LUZP2: variants seen among roughly 807,000 people sequenced by gnomAD.
LUZP2 encodes leucine zipper protein 2.
A neutral mutation model predicts 51.6 loss-of-function variants in LUZP2; 52 were observed. The observed-to-expected ratio is 1.01, with a 90% confidence interval of 0.81 to 1.27. LUZP2 has a LOEUF of 1.27. Among genes scored for constraint, LUZP2 ranks in the 50% most tolerant of loss-of-function variants. LUZP2 has a pLI of 0.00. For missense variants in LUZP2, 436 were observed against 395.4 expected, an observed-to-expected ratio of 1.10 and a Z score of -0.87; for synonymous variants, 154 against 137.3, an observed-to-expected ratio of 1.12 and a Z score of -0.85.
intron 7 of LUZP2, among the ~76,000 whole-genome samples, chr11:24,926,100 TG>T (rs1282214070): frequency 6.6e-6 from 1 of 151,474 alleles, no homozygotes; most frequent in Non-Finnish European, 1.5e-5. Context: ...GAGTATCCCA[TG>T]GTGTGTGTTT....
At chr11:24,777,713 A>G (rs1337144394) in intron 5 of LUZP2, among the ~76,000 whole-genome samples, 1 of 152,038 alleles carries the variant, frequency 6.6e-6, no homozygotes, top group Admixed American at 6.6e-5. Context: ...TGGACACTTC[A>G]TTTTATTTTC....
At chr11:24,639,653 G>A (rs1396410590) in intron 1 of LUZP2, among the ~76,000 whole-genome samples, 2 of 151,696 alleles carry the variant, frequency 1.3e-5, no homozygotes, top group Non-Finnish European at 2.9e-5. Flanking sequence ...GTTTCACCAC[G>A]TTGGTCAGGC....
At chr11:24,699,031 T>G (rs763541533) in intron 1 of LUZP2, among the ~76,000 whole-genome samples, 1 of 151,386 alleles carries the variant, frequency 6.6e-6, no homozygotes, top group Non-Finnish European at 1.5e-5. Flanking sequence ...CACTCTATCC[T>G]GGGTGGCAGA....
chr11:24,970,121 A>G lies in LUZP2; in HGVS notation c.523-6470A>G, dbSNP rs532926235. Among the ~76,000 whole-genome samples, 369 of 152,240 alleles carry G rather than the reference A, an allele frequency of 2.4e-3. 2 individuals carry two copies. Among genetic ancestry groups the G allele is most frequent in the Middle Eastern group, 6.8e-3 (2 of 294 alleles). On this transcript the variant is annotated intron_variant, in intron 7 of 11. Coordinates refer to ENST00000336930, the MANE Select transcript of LUZP2 (RefSeq NM_001009909.4). ...CTTCTGTGTCTCTGGTAGGTTTACT[A>G]TCTTTGATAATGAGAATTTTGGAGC...
intron 1 of LUZP2, among the ~76,000 whole-genome samples, chr11:24,498,350 G>C (rs1168423503): frequency 1.3e-5 from 2 of 152,166 alleles, no homozygotes; most frequent in East Asian, 3.9e-4. Context: ...AAATGGAAAA[G>C]GATGAAGAAA....
At chr11:24,864,606 T>G (rs1369358803) in intron 5 of LUZP2, among the ~76,000 whole-genome samples, 1 of 152,178 alleles carries the variant, frequency 6.6e-6, no homozygotes, top group African/African-American at 2.4e-5. Context: ...TGGCAAGTTG[T>G]TTGGTCAGAT....
At chr11:24,745,455 A>G (rs528348287) in intron 4 of LUZP2, among the ~76,000 whole-genome samples, 35 of 152,272 alleles carry the variant, frequency 2.3e-4, no homozygotes, top group Non-Finnish European at 4.7e-4. Context: ...TTACCATTAT[A>G]TAATGTCCCA....
At chr11:24,937,686 G>A (rs1349086607) in intron 7 of LUZP2, among the ~76,000 whole-genome samples, 3 of 152,014 alleles carry the variant, frequency 2.0e-5, no homozygotes, top group African/African-American at 7.2e-5. Context: ...CGGATCATGA[G>A]GTCAGGAGAT....
intron 1 of LUZP2, among the ~76,000 whole-genome samples, chr11:24,515,665 G>A (rs1195794189): frequency 2.0e-5 from 3 of 151,968 alleles, no homozygotes; most frequent in Non-Finnish European, 4.4e-5. Flanking sequence ...TTTTTGCTTG[G>A]GAAAACAAAT....
At chr11:24,637,395 T>C (rs1855140740) in intron 1 of LUZP2, among the ~76,000 whole-genome samples, 1 of 151,788 alleles carries the variant, frequency 6.6e-6, no homozygotes, top group Non-Finnish European at 1.5e-5. Flanking sequence ...AAAACGTGTA[T>C]TTGAACAATA....
At position 25,076,446 on chromosome 11, in the gene LUZP2, A is replaced by T. The variant is rs183516028; in HGVS notation, c.859-883A>T. The stretch of plus-strand genomic sequence containing the variant: ...ACACAAATGCAGATTCTTACACTAC[A>T]TATGTTGCTGTTAATTTAAAACTAT... On this transcript the variant is annotated intron_variant, in intron 10 of 11. Coordinates refer to ENST00000336930, the MANE Select transcript of LUZP2 (RefSeq NM_001009909.4). Among the ~76,000 whole-genome samples the T allele has an allele frequency of 1.2e-4, 19 of 152,230 alleles. No individual in the cohort carries two copies. In the East Asian group the frequency reaches 3.7e-3, roughly 29 times the overall value.
intron 9 of LUZP2, among the ~76,000 whole-genome samples, chr11:25,036,989 T>G (rs920705996): frequency 1.3e-5 from 2 of 152,152 alleles, no homozygotes; most frequent in Non-Finnish European, 2.9e-5. Context: ...AAGCGTCAAG[T>G]TTTAGACTAG....
At chr11:24,569,656 A>G (rs1004004016) in intron 1 of LUZP2, among the ~76,000 whole-genome samples, 7 of 149,400 alleles carry the variant, frequency 4.7e-5, no homozygotes, top group African/African-American at 1.5e-4. Context: ...GATCATAGAC[A>G]TATTTACTTA....
intron 4 of LUZP2, among the ~76,000 whole-genome samples, chr11:24,759,862 T>TTA (rs1320294925): frequency 6.6e-6 from 1 of 152,178 alleles, no homozygotes; most frequent in Non-Finnish European, 1.5e-5. Context: ...ATTTCAAAGC[T>TTA]TATTTCACCA....
chr11:24,814,916 C>T (rs1442442636), intron 5 of LUZP2, among the ~76,000 whole-genome samples: 4 of 150,770 alleles, frequency 2.7e-5, no homozygotes, highest in South Asian at 4.2e-4. Context: ...GACATGAACC[C>T]GGGAGGTGGA....
chr11:24,974,234 T>C (rs1254520273), intron 7 of LUZP2, among the ~76,000 whole-genome samples: 2 of 152,146 alleles, frequency 1.3e-5, no homozygotes, highest in East Asian at 1.9e-4. Context: ...ATGTCTGTTT[T>C]GTCAGAAATT....
chr11:24,901,859 C>T (rs532595011), intron 5 of LUZP2, among the ~76,000 whole-genome samples: 3 of 152,226 alleles, frequency 2.0e-5, no homozygotes, highest in Admixed American at 1.3e-4. Context: ...AGAGTCGAGT[C>T]CCATCTCTCT....
At chr11:24,797,207 C>T (rs976991848) in intron 5 of LUZP2, among the ~76,000 whole-genome samples, 29 of 152,050 alleles carry the variant, frequency 1.9e-4, no homozygotes, top group Admixed American at 4.6e-4. Flanking sequence ...TATCACATTA[C>T]GATATGTCAT....
chr11:24,741,919 CATTTATATATTATATATAAATATAT>C, intron 4 of LUZP2, among the ~76,000 whole-genome samples: 1 of 16,726 alleles, frequency 6.0e-5, no homozygotes, highest in East Asian at 6.8e-3. Flanking sequence ...ATAATATATA[CATTTATATATTATATATAAATATAT>C]ACATTTATAT....
Sources: allele counts gnomAD v4.1 joint callset (sites outside exome capture counted in the v4.1 genomes callset), GRCh38; gene constraint gnomAD v4.1.1; transcripts MANE v1.5; gene names NCBI Gene and HGNC (gene_info 2026-07-23, HGNC 2026-07-21).